The following DAB1 variants were observed in gnomAD, a reference collection of about 807,000 sequenced individuals.
DAB1 encodes disabled homolog 1.
DAB1 carries 15 observed loss-of-function variants against 64.6 expected under a neutral mutation model. The ratio of observed to expected loss-of-function variants is 0.23; its 90% CI spans 0.16 to 0.36. The LOEUF (loss-of-function observed/expected upper bound fraction) is 0.36, where lower values mean the gene tolerates loss of function less well. Ranked by LOEUF, DAB1 falls within the 10% of genes least tolerant of loss-of-function variation. The probability of loss-of-function intolerance (pLI) is 1.00; values close to 1 mark genes in which losing one functional copy is unlikely to be tolerated. For synonymous variants in DAB1, 235 were observed against 251.9 expected, an observed-to-expected ratio of 0.93 and a Z score of 0.64; for missense variants, 596 against 706.7, an observed-to-expected ratio of 0.84 and a Z score of 1.78.
chr1:57,467,474 G>A (rs1686989871), intron 7 of DAB1, among the ~76,000 whole-genome samples: 1 of 152,196 alleles, frequency 6.6e-6, no homozygotes, highest in Admixed American at 6.5e-5. Flanking sequence ...AATTTGTATT[G>A]CAACAAGATC....
intron 2 of DAB1, among the ~76,000 whole-genome samples, chr1:57,239,549 C>T (rs924076267): frequency 1.3e-5 from 2 of 152,152 alleles, no homozygotes; most frequent in African/African-American, 4.8e-5. Flanking sequence ...ATCTTCCAGA[C>T]CTATAGCCGG....
At chr1:57,535,478 T>TG (rs1048117170) in intron 7 of DAB1, among the ~76,000 whole-genome samples, 67 of 151,134 alleles carry the variant, frequency 4.4e-4, no homozygotes, top group African/African-American at 1.6e-3. Flanking sequence ...TTCTTTTTTT[T>TG]TTTTTTTTTG....
intron 4 of DAB1, among the ~76,000 whole-genome samples, chr1:58,338,921 T>A (rs1481812733): frequency 6.6e-6 from 1 of 152,208 alleles, no homozygotes; most frequent in African/African-American, 2.4e-5. Context: ...GGTCACATAT[T>A]GCACCATTCC....
intron 5 of DAB1, chr1:58,048,300 C>A: frequency 1.6e-6 from 2 of 1,235,068 alleles, no homozygotes; most frequent in Non-Finnish European, 2.4e-6. Flanking sequence ...CCTCCAAAAT[C>A]TCCCCCCTTC....
At chr1:57,938,060 A>T (rs1259807570) in intron 5 of DAB1, among the ~76,000 whole-genome samples, 6 of 152,254 alleles carry the variant, frequency 3.9e-5, no homozygotes, top group Admixed American at 1.3e-4. Flanking sequence ...TGTGACTTGC[A>T]CTAAGCAGAA....
intron 6 of DAB1, among the ~76,000 whole-genome samples, chr1:57,748,750 T>G (rs1648404001): frequency 6.9e-6 from 1 of 145,722 alleles, no homozygotes; most frequent in South Asian, 2.2e-4. Context: ...AAGGTTAGAC[T>G]AGGTGGCTTC....
At chr1:57,903,355 T>A (rs1202847) in intron 5 of DAB1, among the ~76,000 whole-genome samples, 5 of 152,092 alleles carry the variant, frequency 3.3e-5, no homozygotes, top group South Asian at 2.1e-4. Flanking sequence ...GAGCTTTCCC[T>A]CTCCCTTTTC....
intron 5 of DAB1, among the ~76,000 whole-genome samples, chr1:58,102,651 A>C (rs1651390991): frequency 6.6e-6 from 1 of 152,206 alleles, no homozygotes; most frequent in Non-Finnish European, 1.5e-5. Context: ...CTGCTTTGTA[A>C]ATAACAATGG....
At chr1:58,015,688 G>C (rs982265669) in intron 5 of DAB1, among the ~76,000 whole-genome samples, 2 of 151,884 alleles carry the variant, frequency 1.3e-5, no homozygotes, top group African/African-American at 2.4e-5. Context: ...AAATCACCTG[G>C]GATGCTTATT....
chr1:57,111,898 T>A (rs912005105), intron 4 of DAB1, among the ~76,000 whole-genome samples: 1 of 152,108 alleles, frequency 6.6e-6, no homozygotes, highest in Admixed American at 6.5e-5. Flanking sequence ...TGTAGTGAGG[T>A]CGGGTTAGGT....
intron 2 of DAB1, among the ~76,000 whole-genome samples, chr1:57,248,456 A>G (rs539229): frequency 0.59 from 88,888 of 151,814 alleles, 26,222 homozygotes; most frequent in Admixed American, 0.66. Context: ...GTGTTTAGCT[A>G]ATAGTATATA....
intron 4 of DAB1, among the ~76,000 whole-genome samples, chr1:57,110,944 G>C (rs1266548539): frequency 6.6e-6 from 1 of 151,710 alleles, no homozygotes; most frequent in Non-Finnish European, 1.5e-5. Context: ...ATATATCAAG[G>C]CTTATATAAA....
intron 3 of DAB1, among the ~76,000 whole-genome samples, chr1:58,352,656 G>A (rs1644069647): frequency 6.6e-6 from 1 of 152,146 alleles, no homozygotes; most frequent in African/African-American, 2.4e-5. Flanking sequence ...TCCAGGGGGT[G>A]CTATTCACAC....
At chr1:57,678,730 T>C (rs1242768910) in intron 6 of DAB1, among the ~76,000 whole-genome samples, 1 of 151,850 alleles carries the variant, frequency 6.6e-6, no homozygotes, top group African/African-American at 2.4e-5. Flanking sequence ...TTTCCATGTA[T>C]CTTCTCTGGC....
intron 5 of DAB1, among the ~76,000 whole-genome samples, chr1:57,910,081 G>A (rs931375406): frequency 5.9e-5 from 9 of 152,128 alleles, no homozygotes; most frequent in African/African-American, 1.9e-4. Context: ...GCGACCCAGC[G>A]ATCATTCATC....
chr1:57,428,972 G>A (rs77606073), upstream of DAB1, among the ~76,000 whole-genome samples: 10 of 150,644 alleles, frequency 6.6e-5, no homozygotes, highest in East Asian at 1.9e-3. Context: ...GAGTGTAGTG[G>A]TACCATCATT....
chr1:58,430,028 TTA>T (rs1644855543), intron 3 of DAB1, among the ~76,000 whole-genome samples: 1 of 152,170 alleles, frequency 6.6e-6, no homozygotes, highest in Admixed American at 6.5e-5. Flanking sequence ...CTGTGGCCTC[TTA>T]TATAAGGGCA....
chr1:57,429,144 G>T (rs951217268), intron 7 of DAB1, among the ~76,000 whole-genome samples: 1 of 152,044 alleles, frequency 6.6e-6, no homozygotes, highest in Non-Finnish European at 1.5e-5. Flanking sequence ...TCAACTTTTG[G>T]CTTCATGCGA....
intron 5 of DAB1, among the ~76,000 whole-genome samples, chr1:57,966,213 G>A (rs1311704430): frequency 6.6e-5 from 10 of 152,118 alleles, no homozygotes; most frequent in Admixed American, 1.3e-4. Context: ...AGGAGGTTGC[G>A]ATAAATTAAA....
Sources: allele counts gnomAD v4.1 joint callset (sites outside exome capture counted in the v4.1 genomes callset), GRCh38; gene constraint gnomAD v4.1.1; transcripts MANE v1.5; gene names NCBI Gene and HGNC (gene_info 2026-07-23, HGNC 2026-07-21).